FREM2: variants seen among roughly 807,000 people sequenced by gnomAD.
The protein encoded by FREM2 is FRAS1 related extracellular matrix 2, also known as FRAS1-related extracellular matrix protein 2.
FREM2 carries 119 observed loss-of-function variants against 219.9 expected under a neutral mutation model. That is an observed-to-expected ratio of 0.54 (90% confidence interval 0.47 to 0.63). The LOEUF is 0.63. Among genes scored for constraint, FREM2 ranks in the 30% least tolerant of loss-of-function variants. The pLI is 0.00. For missense variants in FREM2, 4,030 were observed against 3,993.6 expected, an observed-to-expected ratio of 1.01 and a Z score of -0.25; for synonymous variants, 1,562 against 1,522.8, an observed-to-expected ratio of 1.03 and a Z score of -0.60.
At position 38,687,103 on chromosome 13, in the gene FREM2, G is replaced by A. The variant is rs1869480302; in HGVS notation, c.-242G>A. The A allele has an allele frequency of 1.7e-6, 1 of 589,066 alleles. No individual in the cohort carries two copies. The highest frequency in any genetic ancestry group is 2.1e-5 in the South Asian group (1 of 47,216). 36.5% of individuals were successfully genotyped at this position (589,066 alleles called of 1,614,324 possible). A position where few individuals can be genotyped will look rare whatever the true frequency, so the allele number is the denominator to read the frequency against. ...GAAGTGGAGGGATTCAATTCTCCGC[G>A]CGATTGAGGCGCTAGCGGCGGAGCT... On this transcript the variant is annotated 5_prime_UTR_variant, in exon 1 of 24. Coordinates refer to ENST00000280481, the MANE Select transcript of FREM2 (RefSeq NM_207361.6).
At chr13:38,877,960 G>A (rs188008871) in intron 21 of FREM2, among the ~76,000 whole-genome samples, 174 bp from the exon 22 acceptor site, 1 of 152,130 alleles carries the variant, frequency 6.6e-6, no homozygotes, top group Non-Finnish European at 1.5e-5. Context: ...CTTACCTGAG[G>A]CCTGAGAATG....
At chr13:38,830,521 C>G (rs1876466576) in intron 6 of FREM2, among the ~76,000 whole-genome samples, 1 of 152,178 alleles carries the variant, frequency 6.6e-6, no homozygotes, top group Non-Finnish European at 1.5e-5. Flanking sequence ...GCTTTTTTTG[C>G]AAACCAAGTT....
chr13:38,744,903 A>G (rs1872404700), intron 2 of FREM2, among the ~76,000 whole-genome samples: 1 of 152,250 alleles, frequency 6.6e-6, no homozygotes, highest in Admixed American at 6.5e-5. Context: ...CACAGAGGTC[A>G]TGATGCAATA....
At chr13:38,833,867 C>G (rs1325576849) in intron 6 of FREM2, among the ~76,000 whole-genome samples, 1 of 152,082 alleles carries the variant, frequency 6.6e-6, no homozygotes, top group Non-Finnish European at 1.5e-5. Flanking sequence ...GGACCACACT[C>G]CTTTGGCTTC....
chr13:38,870,688 G>A (rs9603460), intron 16 of FREM2, among the ~76,000 whole-genome samples: 48,769 of 151,906 alleles, frequency 0.32, 8,611 homozygotes, highest in East Asian at 0.46. Context: ...CTAAGAAAAT[G>A]CAATGGAATG....
chr13:38,725,933 A>G (rs76805217), intron 2 of FREM2, among the ~76,000 whole-genome samples: 9,640 of 152,238 alleles, frequency 0.063, 828 homozygotes, highest in African/African-American at 0.19. Context: ...ATGGAGATGT[A>G]GAACTCAAAA....
intron 23 of FREM2, 149 bp from the exon 24 acceptor site, chr13:38,880,135 T>G (rs1316407568): frequency 2.4e-6 from 2 of 820,100 alleles, no homozygotes; most frequent in Non-Finnish European, 4.1e-6. Flanking sequence ...GCCTTGCACC[T>G]AGTACTCATT....
At position 38,859,525 on chromosome 13, in the gene FREM2, T is replaced by C; in HGVS notation, c.7454T>C (p.Val2485Ala). 6.2e-7 allele frequency: 1 copy of C among 1,614,070 alleles called. No individual in the cohort carries two copies. Among genetic ancestry groups the C allele is most frequent in the Non-Finnish European group, 8.5e-7 (1 of 1,180,000 alleles). ...GSRVQCAARA[V>A]NTNGDEGLEL... ...CGGGTACAGTGCGCAGCTCGTGCTG[T>C]GAACACCAATGGGGATGAAGGCCTG... The change falls in exon 14 of 24, where the codon GTG (valine) becomes GCG (alanine). Residue 2485 changes from valine (V) to alanine (A), a missense_variant. Coordinates refer to ENST00000280481, the MANE Select transcript of FREM2 (RefSeq NM_207361.6).
intron 2 of FREM2, among the ~76,000 whole-genome samples, chr13:38,709,468 AATAC>A (rs763288121): frequency 9.9e-5 from 15 of 152,098 alleles, no homozygotes; most frequent in Admixed American, 3.9e-4. Flanking sequence ...CATGTATACA[AATAC>A]ATAATTGCTT....
chr13:38,763,516 G>A (rs910328567), intron 2 of FREM2, among the ~76,000 whole-genome samples: 1 of 133,814 alleles, frequency 7.5e-6, no homozygotes, highest in African/African-American at 2.8e-5. Context: ...CATTACTGAT[G>A]CCTTTGTTTG....
At position 38,876,011 on chromosome 13, in the gene FREM2, C is replaced by A. The variant is rs765439401; in HGVS notation, c.8282-11C>A. The A allele has an allele frequency of 6.2e-7, 1 of 1,610,900 alleles. No individual in the cohort carries two copies. The highest frequency in any genetic ancestry group is 1.7e-5 in the Admixed American group (1 of 60,014). On this transcript the variant is annotated splice_polypyrimidine_tract_variant and intron_variant, in intron 18 of 23. Transcript: ENST00000280481. ...ACTATATCATTATTATAATTACTGGCACTTTCCTAGCATCCTTTACAAGCT... is the reference window on the plus strand; with the variant it reads ...ACTATATCATTATTATAATTACTGGAACTTTCCTAGCATCCTTTACAAGCT...
chr13:38,732,156 T>G (rs1206010011), intron 2 of FREM2, among the ~76,000 whole-genome samples: 2 of 152,246 alleles, frequency 1.3e-5, no homozygotes, highest in African/African-American at 4.8e-5. Flanking sequence ...ATTAAAATAC[T>G]CTTAAAATAA....
In FREM2 at chr13:38,689,509, G is replaced by A. The variant is rs58363253; in HGVS notation, c.2165G>A (p.Arg722Lys). 26,918 of 1,613,960 alleles carry A rather than the reference G, an allele frequency of 0.017. 1,431 individuals are homozygous for A. In the African/African-American group the frequency reaches 0.18, roughly 11 times the overall value. The change falls in exon 1 of 24, where the codon AGG (arginine) becomes AAG (lysine). Residue 722 changes from arginine (R) to lysine (K), a missense_variant. Physicochemically the swap from Arg to Lys is conservative, Grantham distance 26. Transcript: ENST00000280481. The stretch of plus-strand genomic sequence containing the variant: ...CAGGAATCCCAGCTCACACCACTGA[G>A]GAAGAAGTGGCTGCGCTACACTGAC... ...VVQESQLTPL[R>K]KKWLRYTDLD...
At chr13:38,804,604 A>G (rs1307188181) in intron 6 of FREM2, among the ~76,000 whole-genome samples, 2 of 152,168 alleles carry the variant, frequency 1.3e-5, no homozygotes, top group Non-Finnish European at 2.9e-5. Flanking sequence ...TTATTTTAGT[A>G]AGAATTTGAA....
chr13:38,864,346 G>A lies in FREM2; in HGVS notation c.7723G>A (p.Val2575Ile). ...CACCCTCAGCCCTGATGGCACAAGA[G>A]TTGGAAACCACAAGTGCTCCAACCT... ...ELTLSPDGTR[V>I]GNHKCSNLLD... Residue 2575 changes from valine (V) to isoleucine (I), a missense_variant, in exon 16 of 24, where the codon GTT becomes ATT. Val to Ile is a conservative substitution (Grantham distance 29). Transcript: ENST00000280481. 5 of 1,614,196 alleles carry A rather than the reference G, an allele frequency of 3.1e-6. No individual in the cohort carries two copies. The highest frequency in any genetic ancestry group is 4.2e-6 in the Non-Finnish European group (5 of 1,180,026).
intron 6 of FREM2, among the ~76,000 whole-genome samples, chr13:38,836,495 T>G (rs1876713191): frequency 6.6e-6 from 1 of 152,090 alleles, no homozygotes; most frequent in Admixed American, 6.5e-5. Flanking sequence ...TTTTCTATTG[T>G]TTGGAATAGT....
At chr13:38,823,118 A>G (rs977286994) in intron 6 of FREM2, among the ~76,000 whole-genome samples, 3 of 152,012 alleles carry the variant, frequency 2.0e-5, no homozygotes, top group African/African-American at 7.2e-5. Context: ...GAATGGTTCT[A>G]TGAGTACTGG....
In FREM2 at chr13:38,829,017, A is replaced by T. The variant is rs552831018; in HGVS notation, c.6020-17556A>T. On this transcript the variant is annotated intron_variant, in intron 6 of 23. Transcript: ENST00000280481. ...AAAATATATAATATGACAAGAAATT[A>T]TCTGAGCCAAGCACTGCTATAAGCA... Among the ~76,000 whole-genome samples the T allele has an allele frequency of 2.7e-4, 41 of 152,240 alleles. No homozygotes were observed. The South Asian group carries it at 8.3e-3, about 31-fold the overall frequency.
At chr13:38,878,661 C>G (rs1878436123) in intron 22 of FREM2, among the ~76,000 whole-genome samples, 170 bp from the exon 23 acceptor site, 1 of 151,812 alleles carries the variant, frequency 6.6e-6, no homozygotes, top group Non-Finnish European at 1.5e-5. Context: ...AGAGAAGGTC[C>G]CCGTCTCTTA....
Sources: allele counts gnomAD v4.1 joint callset (sites outside exome capture counted in the v4.1 genomes callset), GRCh38; gene constraint gnomAD v4.1.1; transcripts MANE v1.5; gene names NCBI Gene and HGNC (gene_info 2026-07-23, HGNC 2026-07-21).